GLDC: variants seen among roughly 807,000 people sequenced by gnomAD.
GLDC encodes glycine decarboxylase, also known as glycine dehydrogenase (decarboxylating), mitochondrial.
A neutral mutation model predicts 121.3 loss-of-function variants in GLDC; 104 were observed. The ratio of observed to expected loss-of-function variants is 0.86; its 90% confidence interval spans 0.73 to 1.01. GLDC has a LOEUF of 1.01. Among genes scored for constraint, GLDC ranks in the 50% least tolerant of loss-of-function variants. GLDC has a pLI of 0.00. For missense variants in GLDC, 1,429 were observed against 1,306.6 expected, an observed-to-expected ratio of 1.09 and a Z score of -1.44; for synonymous variants, 546 against 480.6, an observed-to-expected ratio of 1.14 and a Z score of -1.78.
At chr9:6,589,109 C>T (rs1327287492) in intron 12 of GLDC, 86 bp downstream of exon 12, 1 of 850,100 alleles carries the variant, frequency 1.2e-6, no homozygotes, top group Non-Finnish European at 2.1e-6. Context: ...CAGGCCACAG[C>T]AGGCGAAATC....
chr9:6,603,234 T>A (rs112031173), intron 7 of GLDC, among the ~76,000 whole-genome samples: 1,503 of 109,342 alleles, frequency 0.014, 29 homozygotes, highest in African/African-American at 0.041. Flanking sequence ...TCTCAAAAAA[T>A]AAAAAAAAAA....
intron 21 of GLDC, among the ~76,000 whole-genome samples, chr9:6,544,559 A>C (rs1243785088): frequency 6.7e-6 from 1 of 148,208 alleles, no homozygotes; most frequent in African/African-American, 2.5e-5. Flanking sequence ...GAATTGCTTG[A>C]GCCGGGGAGG....
intron 2 of GLDC, among the ~76,000 whole-genome samples, chr9:6,637,013 G>A (rs948058662): frequency 2.0e-5 from 3 of 152,236 alleles, no homozygotes; most frequent in East Asian, 1.9e-4. Flanking sequence ...GAACCCAGGA[G>A]GCGGAGGTTG....
At chr9:6,574,756 A>C (rs989892125) in intron 15 of GLDC, among the ~76,000 whole-genome samples, 1 of 151,904 alleles carries the variant, frequency 6.6e-6, no homozygotes, top group Non-Finnish European at 1.5e-5. Flanking sequence ...GAGGGCTTAC[A>C]GGTCTCTCAT....
chr9:6,605,318 T>G (rs577146996), intron 5 of GLDC, 40 bp from the exon 6 acceptor site: 7 of 1,604,998 alleles, frequency 4.4e-6, no homozygotes, highest in South Asian at 3.3e-5. Flanking sequence ...TGCTTTCGGT[T>G]TATAAGGGAA....
At chr9:6,618,219 G>C (rs753345558) in intron 3 of GLDC, among the ~76,000 whole-genome samples, 1 of 152,112 alleles carries the variant, frequency 6.6e-6, no homozygotes, top group African/African-American at 2.4e-5. Context: ...TTTCAACTCA[G>C]TGTTTCTGGT....
chr9:6,605,250 A>C lies in GLDC; in HGVS notation c.742T>G (p.Leu248Val). Residue 248 changes from leucine to valine, a missense_variant, in exon 6 of 25, where the codon TTA (leucine) becomes GTA (valine). Transcript: ENST00000321612. Reference sequence around the variant, plus strand: ...CCACTGAAGTCCATTTCACAGGGTAACTTCAGCTCAGTGAGGACTCCAGTA... The same window carrying C: ...CCACTGAAGTCCATTTCACAGGGTACCTTCAGCTCAGTGAGGACTCCAGTA... ...KYTGVLTELK[L>V]PCEMDFSGKD... 1 of 1,614,022 alleles carries C rather than the reference A, an allele frequency of 6.2e-7. No individual in the cohort carries two copies. The highest frequency in any genetic ancestry group is 8.5e-7 in the Non-Finnish European group (1 of 1,179,870).
At chr9:6,621,888 A>G (rs1232498942) in intron 2 of GLDC, among the ~76,000 whole-genome samples, 2 of 152,158 alleles carry the variant, frequency 1.3e-5, no homozygotes, top group African/African-American at 4.8e-5. Context: ...GAGATAGATC[A>G]TGCTACTAAA....
At chr9:6,583,824 G>A (rs868018496) in intron 15 of GLDC, among the ~76,000 whole-genome samples, 7 of 152,156 alleles carry the variant, frequency 4.6e-5, no homozygotes, top group Non-Finnish European at 8.8e-5. Context: ...CAAATTCATG[G>A]AGCCAGAAAG....
chr9:6,626,407 C>T (rs1211071662), intron 2 of GLDC, among the ~76,000 whole-genome samples: 1 of 152,188 alleles, frequency 6.6e-6, no homozygotes, highest in Non-Finnish European at 1.5e-5. Flanking sequence ...TAAAAAGAAG[C>T]AGCTCAATTG....
intron 2 of GLDC, among the ~76,000 whole-genome samples, chr9:6,630,140 G>A (rs1819346677): frequency 6.6e-6 from 1 of 151,066 alleles, no homozygotes; most frequent in African/African-American, 2.4e-5. Flanking sequence ...TGCCTATATT[G>A]TGTATTTGTA....
At chr9:6,627,295 C>CAAAAAA (rs35067265) in intron 2 of GLDC, among the ~76,000 whole-genome samples, 1 of 77,798 alleles carries the variant, frequency 1.3e-5, no homozygotes, top group African/African-American at 4.5e-5. Flanking sequence ...GACTCCATCT[C>CAAAAAA]AAAAAAAAAA....
chr9:6,614,065 T>C (rs1818917480), intron 3 of GLDC, among the ~76,000 whole-genome samples: 1 of 151,584 alleles, frequency 6.6e-6, no homozygotes, highest in African/African-American at 2.4e-5. Flanking sequence ...GCGTGAGTCA[T>C]GTGTAATTAT....
chr9:6,535,320 G>GA (rs1352220161), intron 23 of GLDC, among the ~76,000 whole-genome samples: 1 of 151,496 alleles, frequency 6.6e-6, no homozygotes, highest in Non-Finnish European at 1.5e-5. Flanking sequence ...TCTTCAGAGA[G>GA]AAAAGAGTAA....
chr9:6,592,155 A>C lies in GLDC; in HGVS notation c.1470T>G (p.Cys490Trp), dbSNP rs1183108459. The C allele has an allele frequency of 6.3e-7, 1 of 1,595,946 alleles. No individual in the cohort carries two copies. The highest frequency in any genetic ancestry group is 1.7e-5 in the Admixed American group (1 of 60,008). The change falls in exon 11 of 25, where the codon TGT (cysteine) becomes TGG (tryptophan). Residue 490 changes from cysteine (C) to tryptophan (W), a missense_variant. Transcript: ENST00000321612. ...DLDDLLWIFG[C>W]ESSAELVAES... ...TTATTTTACTTACTGCAGATGACTC[A>C]CAACCAAAGATCCACAACAAATCGT...
Position 6,545,898 on chromosome 9 carries a change from T to C in GLDC, c.2569+4905A>G, listed in dbSNP as rs144565241. Among the ~76,000 whole-genome samples the C allele has an allele frequency of 3.8e-3, 583 of 152,224 alleles. 5 individuals are homozygous for C. Among genetic ancestry groups the C allele is most frequent in the African/African-American group, 0.014 (563 of 41,544 alleles). ...TCAAGTGATCTGCCCGCCTCAGCCT[T>C]CCAAAGTGCTGGGATTATAGGCGTG... On this transcript the variant is annotated intron_variant, in intron 21 of 24. Coordinates refer to ENST00000321612, the MANE Select transcript of GLDC (RefSeq NM_000170.3).
Position 6,595,021 on chromosome 9 carries a change from C to T in GLDC, c.1254G>A (p.Leu418=). The T allele has an allele frequency of 1.9e-6, 3 of 1,588,556 alleles. No individual in the cohort carries two copies. Among genetic ancestry groups the T allele is most frequent in the Admixed American group, 3.3e-5 (2 of 59,974 alleles). Residue 418 remains leucine (L), a synonymous_variant, in exon 9 of 25, where the codon TTG becomes TTA. Coordinates refer to ENST00000321612, the MANE Select transcript of GLDC (RefSeq NM_000170.3). ...ARRVHNATLI[L]SEGLKRAGHQ... ...GACAGATTACCAACTCACCTTCTGA[C>T]AAAATCAAAGTGGCATTATGTACCC...
intron 22 of GLDC, 25 bp downstream of exon 22, chr9:6,540,026 G>T: frequency 7.0e-7 from 1 of 1,424,592 alleles, no homozygotes; most frequent in Non-Finnish European, 9.9e-7. Context: ...CATGGGCGGC[G>T]GCATGAATGT....
chr9:6,628,143 A>G (rs1332960619), intron 2 of GLDC, among the ~76,000 whole-genome samples: 3 of 152,182 alleles, frequency 2.0e-5, no homozygotes, highest in African/African-American at 4.8e-5. Context: ...TAAGGACACA[A>G]TTCCTACCAC....
Sources: allele counts gnomAD v4.1 joint callset (sites outside exome capture counted in the v4.1 genomes callset), GRCh38; gene constraint gnomAD v4.1.1; transcripts MANE v1.5; gene names NCBI Gene and HGNC (gene_info 2026-07-23, HGNC 2026-07-21).